The following SLC24A3 variants were observed in gnomAD, a reference collection of about 807,000 sequenced individuals.
SLC24A3 encodes solute carrier family 24 member 3, also known as sodium/potassium/calcium exchanger 3.
In SLC24A3, 28 loss-of-function variants were observed where a neutral mutation model predicts 75.8. That is an observed-to-expected ratio of 0.37 (90% CI 0.27 to 0.51). SLC24A3 has a LOEUF of 0.51. Among genes scored for constraint, SLC24A3 ranks in the 20% least tolerant of loss-of-function variants. The pLI is 0.94. For missense variants in SLC24A3, 663 were observed against 847.8 expected (o/e 0.78, Z 2.71); for synonymous variants, 372 against 334.1 (o/e 1.11, Z -1.24).
chr20:19,417,328 T>C (rs1280078217), intron 2 of SLC24A3, among the ~76,000 whole-genome samples: 2 of 152,182 alleles, frequency 1.3e-5, no homozygotes, highest in Non-Finnish European at 2.9e-5. Flanking sequence ...TTATCTTTGT[T>C]CTCTCCAAAA....
intron 2 of SLC24A3, among the ~76,000 whole-genome samples, chr20:19,431,650 A>T (rs1354876971): frequency 6.6e-6 from 1 of 152,176 alleles, no homozygotes; most frequent in Non-Finnish European, 1.5e-5. Flanking sequence ...AGTCAGAAGC[A>T]GTAGCCCCAG....
intron 12 of SLC24A3, among the ~76,000 whole-genome samples, chr20:19,686,729 G>GCCTCT (rs1309181743): frequency 1.3e-5 from 2 of 152,152 alleles, no homozygotes; most frequent in African/African-American, 2.4e-5. Flanking sequence ...TTGAACCAGA[G>GCCTCT]ATGCCCCTGT....
intron 1 of SLC24A3, among the ~76,000 whole-genome samples, chr20:19,256,331 G>A (rs2122187213): frequency 1.3e-5 from 2 of 152,300 alleles, no homozygotes; most frequent in Middle Eastern, 6.8e-3. Context: ...GGCTGGTCAA[G>A]AGGGTAACAG....
intron 8 of SLC24A3, among the ~76,000 whole-genome samples, chr20:19,666,484 C>A (rs57392282): frequency 4.0e-5 from 6 of 151,782 alleles, no homozygotes; most frequent in Non-Finnish European, 8.8e-5. Context: ...CCAGCCTGGG[C>A]GACACAGTGA....
At position 19,479,699 on chromosome 20, in the gene SLC24A3, G is replaced by C. The variant is rs113219182; in HGVS notation, c.272-35789G>C. 7.5e-3 allele frequency among the ~76,000 whole-genome samples: 1,150 copies of C among 152,350 alleles called. 15 individuals are homozygous for C. The highest frequency in any genetic ancestry group is 0.026 in the African/African-American group (1,094 of 41,582). ...CTGGGAGACAGTAGGGGAGGGGAAG[G>C]CTGTGGGTTTTACCCTCCAGCTCCC... On this transcript the variant is annotated intron_variant, in intron 2 of 16. Transcript: ENST00000328041.
chr20:19,534,231 T>C (rs2030355292), intron 3 of SLC24A3, among the ~76,000 whole-genome samples: 1 of 152,254 alleles, frequency 6.6e-6, no homozygotes. Context: ...GCACTGGTTT[T>C]ATTACAGCCC....
At chr20:19,325,799 G>GT (rs1984842306) in intron 2 of SLC24A3, among the ~76,000 whole-genome samples, 2 of 44,452 alleles carry the variant, frequency 4.5e-5, no homozygotes, top group African/African-American at 2.0e-4. Flanking sequence ...TATATATAGA[G>GT]AGAGAGAGAG....
At chr20:19,237,510 T>G (rs1045744129) in intron 1 of SLC24A3, among the ~76,000 whole-genome samples, 4 of 152,196 alleles carry the variant, frequency 2.6e-5, no homozygotes, top group Admixed American at 6.5e-5. Context: ...CTAGCTCAGC[T>G]TGCAGAACAT....
chr20:19,720,881 C>G (rs1282901406), intron 16 of SLC24A3, 110 bp from the exon 17 acceptor site: 1 of 1,259,932 alleles, frequency 7.9e-7, no homozygotes, highest in Non-Finnish European at 1.1e-6. Flanking sequence ...GCACCCTGCC[C>G]GAGGCCCATA....
At chr20:19,714,675 T>C (rs995232468) in intron 15 of SLC24A3, among the ~76,000 whole-genome samples, 6 of 152,172 alleles carry the variant, frequency 3.9e-5, no homozygotes, top group Admixed American at 1.3e-4. Flanking sequence ...AGGAAGGCCA[T>C]AGAGAAAAAG....
chr20:19,213,066 G>A (rs1981451579), intron 1 of SLC24A3, 82 bp downstream of exon 1: 15 of 1,132,208 alleles, frequency 1.3e-5, no homozygotes, highest in Non-Finnish European at 1.6e-5. Context: ...GGGCTCCTTC[G>A]GGCGGCCCGG....
intron 2 of SLC24A3, among the ~76,000 whole-genome samples, chr20:19,306,619 A>G (rs1441734367): frequency 1.3e-5 from 2 of 152,184 alleles, no homozygotes; most frequent in Non-Finnish European, 2.9e-5. Flanking sequence ...CAAATGCTAC[A>G]TGTTCTCACT....
intron 3 of SLC24A3, among the ~76,000 whole-genome samples, chr20:19,561,645 T>C (rs2030876707): frequency 6.6e-6 from 1 of 152,160 alleles, no homozygotes; most frequent in African/African-American, 2.4e-5. Context: ...TGGATTAAAA[T>C]AATAATGACC....
Position 19,325,757 on chromosome 20 carries a change from C to CATATAT in SLC24A3, c.271+44673_271+44674insTATATA, listed in dbSNP as rs1568589763. On this transcript the variant is annotated intron_variant, in intron 2 of 16. Coordinates refer to ENST00000328041, the MANE Select transcript of SLC24A3 (RefSeq NM_020689.4). ...ATGTGTGTGTGTGTGTGTGTGTATA[C>CATATAT]ATACATACATATATATATACATATA... 2.8e-3 allele frequency among the ~76,000 whole-genome samples: 110 copies of CATATAT among 39,476 alleles called. 9 individuals carry two copies. Among genetic ancestry groups the CATATAT allele is most frequent in the Middle Eastern group, 0.018 (1 of 56 alleles). The allele number at this position is 39,476 out of a possible 152,430, so 25.9% of individuals were successfully genotyped here.
intron 6 of SLC24A3, among the ~76,000 whole-genome samples, chr20:19,650,536 C>G (rs957379747): frequency 7.2e-5 from 11 of 152,156 alleles, no homozygotes; most frequent in African/African-American, 2.7e-4. Context: ...TGCTCAACAT[C>G]TCTAAATAAC....
At chr20:19,666,846 A>G (rs561667098) in intron 8 of SLC24A3, among the ~76,000 whole-genome samples, 1 of 152,356 alleles carries the variant, frequency 6.6e-6, no homozygotes, top group African/African-American at 2.4e-5. Context: ...CCAACTGTTC[A>G]AATCCTCGTT....
At chr20:19,528,835 C>T (rs539914753) in intron 3 of SLC24A3, among the ~76,000 whole-genome samples, 7 of 152,190 alleles carry the variant, frequency 4.6e-5, no homozygotes, top group Non-Finnish European at 8.8e-5. Flanking sequence ...TTTTTAGCAT[C>T]AGAAGCTTTC....
intron 2 of SLC24A3, among the ~76,000 whole-genome samples, chr20:19,338,958 A>G (rs1436861282): frequency 6.6e-6 from 1 of 152,190 alleles, no homozygotes; most frequent in East Asian, 1.9e-4. Flanking sequence ...TAGTTTTAGC[A>G]CATCCATGGG....
chr20:19,534,454 AGGCTGGAGTGCAGT>A (rs2030360595), intron 3 of SLC24A3, among the ~76,000 whole-genome samples: 1 of 44,502 alleles, frequency 2.2e-5, no homozygotes, highest in African/African-American at 6.4e-5. Context: ...TCTGTCACCC[AGGCTGGAGTGCAGT>A]GGCACGATCT....
Sources: gnomAD v4.1 joint callset for allele counts (sites outside exome capture counted in the v4.1 genomes callset) on GRCh38, gnomAD v4.1.1 for gene constraint, MANE v1.5 for transcripts, NCBI Gene and HGNC (gene_info 2026-07-23, HGNC 2026-07-21) for gene names.